Variants in ALB observed in about 807,000 individuals in gnomAD.
ALB encodes serum albumin.
ALB carries 37 observed loss-of-function variants against 74.5 expected under a neutral mutation model. The observed-to-expected ratio is 0.50, with a 90% CI of 0.38 to 0.65. The LOEUF (loss-of-function observed/expected upper bound fraction) is 0.65. Among genes scored for constraint, ALB ranks in the 30% least tolerant of loss-of-function variants. The probability of loss-of-function intolerance (pLI) is 0.00; values close to 1 mark genes in which losing one functional copy is unlikely to be tolerated. For synonymous variants in ALB, 249 were observed against 251.6 expected (o/e 0.99, Z 0.10); for missense variants, 685 against 718.7 (o/e 0.95, Z 0.54).
At chr4:73,420,482 G>A (rs1267801335) in intron 14 of ALB, among the ~76,000 whole-genome samples, 161 bp downstream of exon 14, 1 of 152,152 alleles carries the variant, frequency 6.6e-6, no homozygotes, top group African/African-American at 2.4e-5. Flanking sequence ...AATAGTTGCT[G>A]AGTTGGGAAC....
At chr4:73,411,422 G>T (rs1281352256) in intron 6 of ALB, among the ~76,000 whole-genome samples, 1 of 152,116 alleles carries the variant, frequency 6.6e-6, no homozygotes, top group South Asian at 2.1e-4. Context: ...TTATAAGTAA[G>T]ATCAATAAAA....
At chr4:73,416,566 T>C (rs1719019703) in intron 10 of ALB, among the ~76,000 whole-genome samples, 1 of 151,988 alleles carries the variant, frequency 6.6e-6, no homozygotes, top group East Asian at 1.9e-4. Flanking sequence ...TCTCTTAAGA[T>C]TGGAAGTATG....
Position 73,409,451 on chromosome 4 carries a change from C to T in ALB, c.579C>T (p.Cys193=), listed in dbSNP as rs1479477038. The T allele has an allele frequency of 6.2e-7, 1 of 1,613,812 alleles. No individual in the cohort carries two copies. The highest frequency in any genetic ancestry group is 2.2e-5 in the East Asian group (1 of 44,872). ...ATAAAGCTGCTTTTACAGAATGTTG[C>T]CAAGCTGCTGATAAAGCTGCCTGCC... ...KRYKAAFTEC[C]QAADKAACLL... Residue 193 remains cysteine, a synonymous_variant, in exon 5 of 15, where the codon TGC becomes TGT. Coordinates refer to ENST00000295897, the MANE Select transcript of ALB (RefSeq NM_000477.7).
At chr4:73,420,393 T>C in intron 14 of ALB, 72 bp downstream of exon 14, 2 of 1,059,722 alleles carry the variant, frequency 1.9e-6, no homozygotes, top group South Asian at 2.8e-5. Context: ...ATTGACCATT[T>C]CCAAGAGCCA....
chr4:73,408,674 A>T lies in ALB; in HGVS notation c.351A>T (p.Lys117Asn). Reference sequence around the variant, plus strand: ...GTGAAATGGCTGACTGCTGTGCAAAACAAGAACCTGAGAGAAATGAATGCT... The same window carrying T: ...GTGAAATGGCTGACTGCTGTGCAAATCAAGAACCTGAGAGAAATGAATGCT... ...TYGEMADCCA[K>N]QEPERNECFL... Residue 117 changes from lysine to asparagine, a missense_variant, in exon 4 of 15, where the codon AAA (lysine) becomes AAT (asparagine). Lys to Asn is a moderately conservative substitution (Grantham distance 94). Coordinates refer to ENST00000295897, the MANE Select transcript of ALB (RefSeq NM_000477.7). 1 of 1,614,092 alleles carries T rather than the reference A, an allele frequency of 6.2e-7. No homozygotes were observed. Among genetic ancestry groups the T allele is most frequent in the Non-Finnish European group, 8.5e-7 (1 of 1,179,962 alleles).
intron 2 of ALB, 58 bp downstream of exon 2, chr4:73,405,231 C>A: frequency 7.2e-7 from 1 of 1,397,028 alleles, no homozygotes; most frequent in Non-Finnish European, 1.0e-6. Flanking sequence ...GTTTATTATT[C>A]TAAAGTGCTT....
chr4:73,416,684 G>A (rs1229952959), intron 10 of ALB, among the ~76,000 whole-genome samples: 1 of 152,152 alleles, frequency 6.6e-6, no homozygotes, highest in Non-Finnish European at 1.5e-5. Context: ...ATTTTGTAGA[G>A]CAGCAAGTAG....
At chr4:73,414,394 A>G (rs1430206865) in intron 8 of ALB, among the ~76,000 whole-genome samples, 1 of 152,204 alleles carries the variant, frequency 6.6e-6, no homozygotes, top group African/African-American at 2.4e-5. Flanking sequence ...CAAAGACTTC[A>G]TATGTGCCAA....
intron 9 of ALB, among the ~76,000 whole-genome samples, chr4:73,415,668 T>C (rs1184080758): frequency 6.6e-6 from 1 of 152,182 alleles, no homozygotes; most frequent in Non-Finnish European, 1.5e-5. Context: ...CACTAGCATA[T>C]GTAATGGTTT....
At chr4:73,418,450 A>G (rs1719072903) in intron 12 of ALB, 139 bp downstream of exon 12, 1 of 747,204 alleles carries the variant, frequency 1.3e-6, no homozygotes, top group East Asian at 2.7e-5. Flanking sequence ...TATGCTGATA[A>G]GAGTACCCAG....
At position 73,410,407 on chromosome 4, in the gene ALB, A is replaced by G. The variant is rs755614142; in HGVS notation, c.711A>G (p.Ala237=). The G allele has an allele frequency of 2.5e-6, 4 of 1,601,496 alleles. No individual in the cohort carries two copies. Among genetic ancestry groups the G allele is most frequent in the Non-Finnish European group, 2.6e-6 (3 of 1,168,486 alleles). ...LQKFGERAFK[A]WAVARLSQRF... ...AATTTGGAGAAAGAGCTTTCAAAGC[A>G]TGGTAAATACTTTTAAACATAGTTG... The change falls in exon 6 of 15, where the codon GCA becomes GCG. Residue 237 remains alanine, a splice_region_variant and synonymous_variant. Coordinates refer to ENST00000295897, the MANE Select transcript of ALB (RefSeq NM_000477.7).
chr4:73,410,647 C>T (rs1718851095), intron 6 of ALB, among the ~76,000 whole-genome samples: 1 of 151,510 alleles, frequency 6.6e-6, no homozygotes, highest in Admixed American at 6.6e-5. Context: ...CCTTTTTGTC[C>T]TAAAAAAAGG....
chr4:73,405,654 A>G (rs62309473), intron 2 of ALB, among the ~76,000 whole-genome samples: 2 of 151,582 alleles, frequency 1.3e-5, no homozygotes, highest in Non-Finnish European at 1.5e-5. Context: ...GCAGTGGCGC[A>G]ATCTCGGCTC....
At chr4:73,412,715 G>C (rs1718911884) in intron 7 of ALB, among the ~76,000 whole-genome samples, 1 of 152,222 alleles carries the variant, frequency 6.6e-6, no homozygotes, top group South Asian at 2.1e-4. Context: ...AAAGTGCTGG[G>C]ATTACAGGCA....
chr4:73,411,956 C>A, intron 6 of ALB, 40 bp from the exon 7 acceptor site: 2 of 1,612,142 alleles, frequency 1.2e-6, no homozygotes, highest in South Asian at 2.2e-5. Context: ...TATAAAATAT[C>A]GCATGATAAT....
At chr4:73,405,959 C>G (rs996579516) in intron 2 of ALB, among the ~76,000 whole-genome samples, 1 of 151,644 alleles carries the variant, frequency 6.6e-6, no homozygotes, top group Non-Finnish European at 1.5e-5. Flanking sequence ...ATCCTACAGG[C>G]TAATTAAAGA....
intron 3 of ALB, 47 bp from the exon 4 acceptor site, chr4:73,408,547 G>C: frequency 6.5e-7 from 1 of 1,536,452 alleles, no homozygotes; most frequent in South Asian, 1.1e-5. Flanking sequence ...TGGCTATAAA[G>C]AAAAAAGGTA....
intron 8 of ALB, among the ~76,000 whole-genome samples, chr4:73,413,957 A>G (rs1718946741): frequency 6.6e-6 from 1 of 152,194 alleles, no homozygotes. Context: ...GAACATCTAT[A>G]ATATATGTGT....
intron 7 of ALB, 72 bp downstream of exon 7, chr4:73,412,197 T>C (rs1022230392): frequency 1.3e-6 from 2 of 1,553,456 alleles, no homozygotes; most frequent in East Asian, 2.2e-5. Context: ...TTTGGTATCA[T>C]TGGTGATAGC....
Sources: gnomAD v4.1 joint callset for allele counts (sites outside exome capture counted in the v4.1 genomes callset) on GRCh38, gnomAD v4.1.1 for gene constraint, MANE v1.5 for transcripts, NCBI Gene and HGNC (gene_info 2026-07-23, HGNC 2026-07-21) for gene names.